Variants in ACAN observed in about 807,000 individuals in gnomAD.
The protein encoded by ACAN is aggrecan, also known as aggrecan core protein.
Under a neutral mutation model 169.1 loss-of-function variants are expected in ACAN, and 47 were observed. That is an observed-to-expected ratio of 0.28 (90% CI 0.22 to 0.35). ACAN has a LOEUF of 0.35. Ranked by LOEUF, ACAN falls within the 10% of genes least tolerant of loss-of-function variation. ACAN has a pLI of 1.00. For synonymous variants in ACAN, 1,115 were observed against 1,112.2 expected, an observed-to-expected ratio of 1.00 and a Z score of -0.05; for missense variants, 2,716 against 2,759.9, an observed-to-expected ratio of 0.98 and a Z score of 0.36.
intron 1 of ACAN, among the ~76,000 whole-genome samples, chr15:88,828,884 T>C (rs1896291850): frequency 6.6e-6 from 1 of 152,246 alleles, no homozygotes; most frequent in Admixed American, 6.5e-5. Flanking sequence ...TCATGTCTGC[T>C]ATCTCTGGAT....
rs575295121 is a variant in ACAN at position 88,869,671 on chromosome 15, C to T, written c.7060+1342C>T. ...GGCTCTGCTGGAATGGAGGCAGGAC[C>T]CTCACAGGGCTCTGTACCCTGATGG... is the stretch of plus-strand genomic sequence containing the variant. On this transcript the variant is annotated intron_variant, in intron 14 of 18. Coordinates refer to ENST00000560601, the MANE Select transcript of ACAN (RefSeq NM_001369268.1). This position sits in a 1 kb window ranked among gnomAD's most constrained non-coding sequence, Gnocchi z 4.2. Among the ~76,000 whole-genome samples, 2 of 152,268 alleles carry T rather than the reference C, an allele frequency of 1.3e-5. No homozygotes were observed. The highest frequency in any genetic ancestry group is 6.5e-5 in the Admixed American group (1 of 15,292).
chr15:88,832,259 C>A (rs1212751104), intron 1 of ACAN, among the ~76,000 whole-genome samples: 1 of 150,478 alleles, frequency 6.6e-6, no homozygotes, highest in Non-Finnish European at 1.5e-5. Flanking sequence ...AGACAAATAG[C>A]ATGCAAAAAG....
At chr15:88,809,569 CCTTTCAGTT>C (rs1044359444) in intron 1 of ACAN, among the ~76,000 whole-genome samples, 2 of 152,202 alleles carry the variant, frequency 1.3e-5, no homozygotes, top group African/African-American at 4.8e-5. Context: ...ACTATAAATT[CCTTTCAGTT>C]CTTGACAAAG....
rs761732451 is a variant in ACAN, at chr15:88,849,461, C to T, written c.1756C>T (p.Leu586Phe). Residue 586 changes from leucine (L) to phenylalanine (F), a missense_variant, in exon 10 of 19, where the codon CTT (leucine) becomes TTT (phenylalanine). Physicochemically the swap from Leu to Phe is conservative, Grantham distance 22. Coordinates refer to ENST00000560601, the MANE Select transcript of ACAN (RefSeq NM_001369268.1). This position sits in a 1 kb window ranked among gnomAD's most constrained non-coding sequence, Gnocchi z 5.1. Reference protein sequence around the residue: ...LEGEVFFATRLEQFTFQEALE... With the variant: ...LEGEVFFATRFEQFTFQEALE... ...AGGGGAGGTGTTCTTCGCCACACGC[C>T]TTGAGCAGTTCACCTTCCAGGAAGC... The T allele has an allele frequency of 1.2e-6, 2 of 1,602,566 alleles. No homozygotes were observed. The highest frequency in any genetic ancestry group is 4.5e-5 in the East Asian group (2 of 44,548).
chr15:88,855,210 T>C lies in ACAN; in HGVS notation c.2625T>C (p.Asp875=), dbSNP rs1897023913. 2 of 1,604,690 alleles carry C rather than the reference T, an allele frequency of 1.2e-6. No homozygotes were observed. Among genetic ancestry groups the C allele is most frequent in the South Asian group, 2.2e-5 (2 of 90,602 alleles). The change falls in exon 12 of 19, where the codon GAT becomes GAC. Residue 875 remains aspartate, a synonymous_variant. Coordinates refer to ENST00000560601, the MANE Select transcript of ACAN (RefSeq NM_001369268.1). ...DVSGDFTGSG[D]VSGHLDFSGQ... is the part of the protein sequence containing the mutation. ...GTGGTGACTTCACAGGCAGTGGAGA[T>C]GTTTCAGGACACCTTGACTTCAGTG...
Position 88,874,351 on chromosome 15 carries a change from G to C in ACAN, c.7631-54G>C. On this transcript the variant is annotated intron_variant, in intron 18 of 18. Coordinates refer to ENST00000560601, the MANE Select transcript of ACAN (RefSeq NM_001369268.1). The surrounding 1 kb of genome is among the most constrained non-coding windows in gnomAD (Gnocchi z 7.3). The stretch of plus-strand genomic sequence containing the variant: ...GGTAGTCTGGGGAGAGCCTGGGCTC[G>C]CCCCACTTTCTTTCCAGGTCCACTG... The C allele has an allele frequency of 6.7e-7, 1 of 1,487,064 alleles. No individual in the cohort carries two copies. Among genetic ancestry groups the C allele is most frequent in the Non-Finnish European group, 9.2e-7 (1 of 1,087,146 alleles). The allele number at this position is 1,487,064 out of a possible 1,614,324, so 92.1% of individuals were successfully genotyped here.
chr15:88,806,938 GTTAT>G (rs1895697600), intron 1 of ACAN, among the ~76,000 whole-genome samples: 1 of 151,978 alleles, frequency 6.6e-6, no homozygotes, highest in African/African-American at 2.4e-5. Context: ...TTTTGTTTCT[GTTAT>G]TTATTTTGAA....
intron 13 of ACAN, among the ~76,000 whole-genome samples, chr15:88,867,981 A>G (rs1400440862): frequency 6.6e-6 from 1 of 152,210 alleles, no homozygotes; most frequent in Non-Finnish European, 1.5e-5. Context: ...CAGTGCTCCA[A>G]GTTTACCAAT....
At chr15:88,815,546 G>A (rs1480431034) in intron 1 of ACAN, among the ~76,000 whole-genome samples, 1 of 130,492 alleles carries the variant, frequency 7.7e-6, no homozygotes, top group East Asian at 2.5e-4. Flanking sequence ...GTGACAGAGC[G>A]AGACTCCAAC....
chr15:88,826,374 CTTTTT>C (rs59069149), intron 1 of ACAN, among the ~76,000 whole-genome samples: 2 of 111,586 alleles, frequency 1.8e-5, no homozygotes, highest in Non-Finnish European at 3.6e-5. Context: ...CCTTTTTTTT[CTTTTT>C]TTTTTTTTTT....
Position 88,851,920 on chromosome 15 carries a change from C to A in ACAN, c.2153C>A (p.Thr718Lys), listed in dbSNP as rs781633190. 13 of 1,612,682 alleles carry A rather than the reference C, an allele frequency of 8.1e-6. No individual in the cohort carries two copies. In the East Asian group the frequency reaches 2.9e-4, roughly 36 times the overall value. Residue 718 changes from threonine (T) to lysine (K), a missense_variant, in exon 11 of 19, where the codon ACA (threonine) becomes AAA (lysine). Coordinates refer to ENST00000560601, the MANE Select transcript of ACAN (RefSeq NM_001369268.1). This position sits in a 1 kb window ranked among gnomAD's most constrained non-coding sequence, Gnocchi z 4.3. ...GVAAVPVEEE[T>K]TAVPSGETTA... is the part of the protein sequence containing the mutation. ...GCTGCTGTCCCCGTAGAAGAGGAGA[C>A]AACTGCTGTACCCTCAGGGGAGACT... is the stretch of plus-strand genomic sequence containing the variant.
At chr15:88,847,846 C>A in intron 8 of ACAN, 65 bp from the exon 9 acceptor site, 29 of 1,580,518 alleles carry the variant, frequency 1.8e-5, no homozygotes, top group Non-Finnish European at 2.5e-5. Flanking sequence ...GGCCTCAGCC[C>A]AGGGCCGTGC....
intron 10 of ACAN, chr15:88,850,018 T>C: frequency 1.7e-6 from 1 of 601,604 alleles, no homozygotes; most frequent in South Asian, 2.0e-5. Flanking sequence ...GCTCTGCTAC[T>C]TAATAGCTGT....
At chr15:88,836,095 G>C in intron 1 of ACAN, 105 bp from the exon 2 acceptor site, 1 of 769,894 alleles carries the variant, frequency 1.3e-6, no homozygotes. Context: ...ATGATTCCAG[G>C]TCCTTGGGTG....
At position 88,861,360 on chromosome 15, in the gene ACAN, A is replaced by G. The variant is rs908333923; in HGVS notation, c.6946+921A>G. Among the ~76,000 whole-genome samples, 2 of 152,188 alleles carry G rather than the reference A, an allele frequency of 1.3e-5. No homozygotes were observed. Among genetic ancestry groups the G allele is most frequent in the East Asian group, 3.9e-4 (2 of 5,190 alleles). On this transcript the variant is annotated intron_variant, in intron 13 of 18. Coordinates refer to ENST00000560601, the MANE Select transcript of ACAN (RefSeq NM_001369268.1). The surrounding 1 kb of genome is among the most constrained non-coding windows in gnomAD (Gnocchi z 6.3). ...AAAATGAAAAAACGAATCCTGGAGAAAAAACAATCACTTCCACGTAAACCT... is the reference window on the plus strand; with the variant it reads ...AAAATGAAAAAACGAATCCTGGAGAGAAAACAATCACTTCCACGTAAACCT...
At chr15:88,850,374 A>G (rs982413124) in intron 10 of ACAN, 1 of 160,054 alleles carries the variant, frequency 6.2e-6, no homozygotes, top group African/African-American at 2.4e-5. Flanking sequence ...TGGACTTCTG[A>G]GAGTGATGTC....
chr15:88,859,309 C>G lies in ACAN; in HGVS notation c.6724C>G (p.Leu2242Val), dbSNP rs373438469. The change falls in exon 12 of 19, where the codon CTG becomes GTG. Residue 2242 changes from leucine to valine, a missense_variant. By Grantham distance (32) the Leu-to-Val change is conservative. Around this residue, in one of 3 missense-constraint regions of ACAN, gnomAD observed 1,389 missense variants for 1,363.7 expected, o/e 1.02. Transcript: ENST00000560601. ...THLEIESSSL[L>V]YSGEETHTVE... is the part of the protein sequence containing the mutation. ...TCTAGAAATTGAGTCCTCAAGCCTCCTGTACTCAGGAGAAGAGACTCACAC... is the reference window on the plus strand; with the variant it reads ...TCTAGAAATTGAGTCCTCAAGCCTCGTGTACTCAGGAGAAGAGACTCACAC... The G allele has an allele frequency of 6.2e-7, 1 of 1,611,792 alleles. No individual in the cohort carries two copies.
intron 1 of ACAN, among the ~76,000 whole-genome samples, chr15:88,823,954 G>A (rs1012471920): frequency 1.3e-5 from 2 of 152,054 alleles, no homozygotes; most frequent in Non-Finnish European, 2.9e-5. Context: ...CCCTCCTGGG[G>A]CTTCTTATGT....
At chr15:88,854,804 G>T (rs558907990) in intron 11 of ACAN, 48 bp from the exon 12 acceptor site, 356 of 1,379,416 alleles carry the variant, frequency 2.6e-4, no homozygotes, top group Non-Finnish European at 3.2e-4. Context: ...TTAAAGTGGG[G>T]CAGAGTTAAT....
Sources: allele counts gnomAD v4.1 joint callset (sites outside exome capture counted in the v4.1 genomes callset), GRCh38; gene constraint gnomAD v4.1.1; regional missense constraint gnomAD v4.1.1; non-coding constraint Gnocchi (gnomAD v3.1); transcripts MANE v1.5; gene names NCBI Gene and HGNC (gene_info 2026-07-23, HGNC 2026-07-21).